The following PARP4 variants were observed in gnomAD, a reference collection of about 807,000 sequenced individuals.
PARP4 encodes poly(ADP-ribose) polymerase family member 4, also known as protein mono-ADP-ribosyltransferase PARP4.
Under a neutral mutation model 187.7 loss-of-function variants are expected in PARP4, and 120 were observed. The observed-to-expected ratio is 0.64, with a 90% CI of 0.55 to 0.74. The LOEUF is 0.74. PARP4 is among the 30% of genes least tolerant of loss of function. PARP4 has a pLI of 0.00. For synonymous variants in PARP4, 654 were observed against 740.9 expected (o/e 0.88, Z 1.90); for missense variants, 1,836 against 2,070.5 (o/e 0.89, Z 2.20).
At chr13:24,453,254 CTT>C (rs774345230) in intron 23 of PARP4, among the ~76,000 whole-genome samples, 2 of 145,378 alleles carry the variant, frequency 1.4e-5, no homozygotes, top group Admixed American at 6.9e-5. Context: ...TTCTTTCTTT[CTT>C]TTTTTTTTTT....
At chr13:24,438,668 T>C (rs1353352796) in intron 30 of PARP4, among the ~76,000 whole-genome samples, 1 of 152,212 alleles carries the variant, frequency 6.6e-6, no homozygotes, top group Non-Finnish European at 1.5e-5. Context: ...CAGGCGTGGC[T>C]GTGGGAGGAC....
At chr13:24,490,526 A>T (rs1868580421) in intron 10 of PARP4, 142 bp downstream of exon 10, 1 of 683,700 alleles carries the variant, frequency 1.5e-6, no homozygotes, top group African/African-American at 1.8e-5. Flanking sequence ...CTGAACAGAG[A>T]AGAAAGTAAT....
chr13:24,457,635 G>A (rs1871936808), intron 20 of PARP4, among the ~76,000 whole-genome samples: 1 of 151,902 alleles, frequency 6.6e-6, no homozygotes, highest in African/African-American at 2.4e-5. Context: ...GCTGGGCGTG[G>A]TGGCAGGCAC....
chr13:24,463,553 T>C (rs1265111931), intron 17 of PARP4, among the ~76,000 whole-genome samples: 1 of 152,188 alleles, frequency 6.6e-6, no homozygotes, highest in Non-Finnish European at 1.5e-5. Flanking sequence ...AGCCACATGA[T>C]TATCTCAATA....
chr13:24,442,341 C>T (rs1870976522), intron 29 of PARP4, among the ~76,000 whole-genome samples: 1 of 152,280 alleles, frequency 6.6e-6, no homozygotes, highest in African/African-American at 2.4e-5. Flanking sequence ...TACACATTAG[C>T]CAATTGTTAA....
chr13:24,487,923 G>A (rs1868414403), intron 10 of PARP4, among the ~76,000 whole-genome samples: 1 of 152,180 alleles, frequency 6.6e-6, no homozygotes. Context: ...GAGATTTTGA[G>A]TGATTTTTAA....
intron 15 of PARP4, among the ~76,000 whole-genome samples, chr13:24,471,122 G>C (rs192546732): frequency 1.3e-5 from 2 of 152,300 alleles, no homozygotes; most frequent in Non-Finnish European, 2.9e-5. Context: ...AGTACTGACT[G>C]GGGGGACGTC....
In PARP4 at chr13:24,452,435, C is replaced by T. The variant is rs769396600; in HGVS notation, c.2985G>A (p.Pro995=). 8 of 1,613,390 alleles carry T rather than the reference C, an allele frequency of 5.0e-6. No individual in the cohort carries two copies. Among genetic ancestry groups the T allele is most frequent in the East Asian group, 2.2e-5 (1 of 44,890 alleles). Residue 995 remains proline (P), a synonymous_variant, in exon 24 of 34, where the codon CCG becomes CCA. Coordinates refer to ENST00000381989, the MANE Select transcript of PARP4 (RefSeq NM_006437.4). ...TACCGCAGGCGAATAACCTGGTGTGCGGGCGGCTCCTCTTCACGAGCTGTA... is the reference window on the plus strand; with the variant it reads ...TACCGCAGGCGAATAACCTGGTGTGTGGGCGGCTCCTCTTCACGAGCTGTA... ...LTLQLVKRSR[P]HTRLFACGIG...
intron 6 of PARP4, among the ~76,000 whole-genome samples, chr13:24,496,193 T>C (rs1371967080): frequency 4.6e-5 from 7 of 152,376 alleles, no homozygotes; most frequent in Non-Finnish European, 1.0e-4. Flanking sequence ...TAACACATTC[T>C]ATCATGTTTT....
chr13:24,495,216 T>C (rs1290163724), intron 6 of PARP4, among the ~76,000 whole-genome samples: 1 of 151,770 alleles, frequency 6.6e-6, no homozygotes, highest in Non-Finnish European at 1.5e-5. Context: ...AACCTGGAGG[T>C]AGAGGGGAAA....
At chr13:24,453,242 T>TTTTC (rs112689767) in intron 23 of PARP4, among the ~76,000 whole-genome samples, 22,358 of 151,094 alleles carry the variant, frequency 0.15, 2,084 homozygotes, top group African/African-American at 0.26. Context: ...AGCATTTCTT[T>TTTTC]TTTCTTTCTT....
chr13:24,502,104 G>C (rs1315918095), intron 2 of PARP4, among the ~76,000 whole-genome samples: 1 of 152,172 alleles, frequency 6.6e-6, no homozygotes, highest in East Asian at 1.9e-4. Flanking sequence ...ACAACGCTGT[G>C]ATGACTATCC....
At chr13:24,494,074 G>A (rs1158234198) in intron 7 of PARP4, among the ~76,000 whole-genome samples, 1 of 152,202 alleles carries the variant, frequency 6.6e-6, no homozygotes, top group Non-Finnish European at 1.5e-5. Context: ...AAAGCTGGGA[G>A]GGTCTGCTGC....
chr13:24,483,444 C>G (rs1443348334), intron 12 of PARP4, among the ~76,000 whole-genome samples: 4 of 125,632 alleles, frequency 3.2e-5, no homozygotes, highest in Admixed American at 1.6e-4. Context: ...CGAGATTGTG[C>G]CACTGCAGTC....
chr13:24,426,335 T>G (rs1870047483), intron 33 of PARP4, 131 bp downstream of exon 33: 1 of 710,268 alleles, frequency 1.4e-6, no homozygotes, highest in African/African-American at 1.9e-5. Context: ...AGCTGTCACC[T>G]GCAAACAAAT....
At chr13:24,497,358 G>A (rs1470028990) in intron 6 of PARP4, among the ~76,000 whole-genome samples, 1 of 152,176 alleles carries the variant, frequency 6.6e-6, no homozygotes, top group African/African-American at 2.4e-5. Context: ...GCCAGGGTGT[G>A]AAGCTATTTT....
intron 28 of PARP4, among the ~76,000 whole-genome samples, chr13:24,443,035 C>T (rs1366293816): frequency 1.3e-5 from 2 of 151,684 alleles, no homozygotes; most frequent in Non-Finnish European, 2.9e-5. Flanking sequence ...AACCCAGCAG[C>T]ATCTGAGGAG....
Position 24,486,311 on chromosome 13 carries a change from A to C in PARP4, c.1215-6T>G. The stretch of plus-strand genomic sequence containing the variant: ...AGACATCCACTGGGCTCTTACTGTA[A>C]GAATTAGAAGAAAAGCCTTTAGATT... On this transcript the variant is annotated splice_region_variant and splice_polypyrimidine_tract_variant and intron_variant, in intron 10 of 33. Transcript: ENST00000381989. 6.4e-7 allele frequency: 1 copy of C among 1,554,448 alleles called. No individual in the cohort carries two copies. Among genetic ancestry groups the C allele is most frequent in the Non-Finnish European group, 8.8e-7 (1 of 1,132,976 alleles).
At chr13:24,455,811 C>T (rs1441968144) in intron 21 of PARP4, among the ~76,000 whole-genome samples, 1 of 151,518 alleles carries the variant, frequency 6.6e-6, no homozygotes, top group South Asian at 2.1e-4. Context: ...TTTACAGAGA[C>T]GAGGTCTCAC....
Sources: gnomAD v4.1 joint callset for allele counts (sites outside exome capture counted in the v4.1 genomes callset) on GRCh38, gnomAD v4.1.1 for gene constraint, MANE v1.5 for transcripts, NCBI Gene and HGNC (gene_info 2026-07-23, HGNC 2026-07-21) for gene names.